WDR27: variants seen among roughly 807,000 people sequenced by gnomAD.
WDR27 encodes the protein WD repeat-containing protein 27.
WDR27 carries 100 observed loss-of-function variants against 114.4 expected under a neutral mutation model. That is an observed-to-expected ratio of 0.87 (90% CI 0.74 to 1.03). WDR27 has a LOEUF of 1.03. WDR27 is among the 50% of genes least tolerant of loss of function. The pLI is 0.00. For synonymous variants in WDR27, 449 were observed against 423.1 expected, an observed-to-expected ratio of 1.06 and a Z score of -0.75; for missense variants, 1,129 against 1,092.9, an observed-to-expected ratio of 1.03 and a Z score of -0.47.
At chr6:169,609,290 G>T (rs1352750206) in intron 22 of WDR27, among the ~76,000 whole-genome samples, 1 of 152,180 alleles carries the variant, frequency 6.6e-6, no homozygotes, top group Non-Finnish European at 1.5e-5. Flanking sequence ...ACTCTGTGTG[G>T]AGGCTCTGAC....
At chr6:169,590,117 G>A (rs542696733) in intron 23 of WDR27, among the ~76,000 whole-genome samples, 7 of 152,328 alleles carry the variant, frequency 4.6e-5, no homozygotes, top group South Asian at 2.1e-4. Context: ...GGACTACACC[G>A]ATTCATTACA....
At chr6:169,578,170 T>G (rs7749291) in intron 24 of WDR27, among the ~76,000 whole-genome samples, 143,125 of 152,302 alleles carry the variant, frequency 0.94, 67,326 homozygotes, top group East Asian at 0.99. Flanking sequence ...TTTCAAGCTG[T>G]AAGGCGCTCT....
At chr6:169,605,383 C>T (rs545570722) in intron 22 of WDR27, among the ~76,000 whole-genome samples, 2 of 151,446 alleles carry the variant, frequency 1.3e-5, no homozygotes, top group Non-Finnish European at 2.9e-5. Flanking sequence ...CAATGAAATA[C>T]CTAGGAATAT....
intron 13 of WDR27, among the ~76,000 whole-genome samples, chr6:169,655,873 A>G (rs1824037940): frequency 6.6e-6 from 1 of 152,106 alleles, no homozygotes; most frequent in South Asian, 2.1e-4. Flanking sequence ...GCGCCCGCCA[A>G]CCACGCCCAG....
intron 25 of WDR27, among the ~76,000 whole-genome samples, chr6:169,538,068 C>T (rs1021536170): frequency 1.3e-5 from 2 of 152,028 alleles, no homozygotes; most frequent in Admixed American, 6.6e-5. Flanking sequence ...CAAGATAAGC[C>T]GTGAGCTGAC....
intron 22 of WDR27, among the ~76,000 whole-genome samples, chr6:169,612,558 G>A (rs1226576148): frequency 3.3e-5 from 5 of 149,600 alleles, no homozygotes; most frequent in Admixed American, 6.7e-5. Context: ...GGTGGGGCAG[G>A]GAGGTTGCAG....
At chr6:169,558,783 T>A (rs910621865) in intron 25 of WDR27, 6 of 152,194 alleles carry the variant, frequency 3.9e-5, no homozygotes, top group Admixed American at 6.5e-5. Flanking sequence ...GATTTTCCAA[T>A]TCAATTATTC....
the WDR27 span, among the ~76,000 whole-genome samples, chr6:169,438,949 TTAAA>T: frequency 1.3e-5 from 2 of 152,214 alleles, no homozygotes; most frequent in South Asian, 2.1e-4. Flanking sequence ...ATCACTCTGA[TTAAA>T]TAATTATCTC....
At chr6:169,560,649 AC>A (rs1300767116) in intron 25 of WDR27, among the ~76,000 whole-genome samples, 1 of 152,294 alleles carries the variant, frequency 6.6e-6, no homozygotes, top group East Asian at 1.9e-4. Flanking sequence ...TGGTCACTTT[AC>A]CCCATCATCC....
intron 23 of WDR27, among the ~76,000 whole-genome samples, chr6:169,585,814 G>A (rs1309405685): frequency 6.6e-6 from 1 of 152,110 alleles, no homozygotes; most frequent in East Asian, 1.9e-4. Context: ...CGGTGGCCGA[G>A]GCAGAAGAGG....
intron 22 of WDR27, among the ~76,000 whole-genome samples, chr6:169,610,958 G>C (rs1015576305): frequency 2.4e-4 from 37 of 152,260 alleles, no homozygotes; most frequent in Middle Eastern, 3.4e-3. Context: ...ATAGACTCAG[G>C]TGGCAGGTGC....
intron 25 of WDR27, among the ~76,000 whole-genome samples, chr6:169,463,783 C>A (rs1362326220): frequency 6.6e-6 from 1 of 152,098 alleles, no homozygotes; most frequent in South Asian, 2.1e-4. Context: ...ATTATTAAAA[C>A]AATTCCATTT....
At chr6:169,437,823 T>C in the WDR27 span, among the ~76,000 whole-genome samples, 1 of 152,354 alleles carries the variant, frequency 6.6e-6, no homozygotes, top group African/African-American at 2.4e-5. Flanking sequence ...ATACTACTAT[T>C]GTGGCCCGAT....
rs1341873621 is a variant in WDR27, at chr6:169,684,182, A to T, written c.189+4635T>A. On this transcript the variant is annotated intron_variant, in intron 2 of 25. Coordinates refer to ENST00000448612, the MANE Select transcript of WDR27 (RefSeq NM_182552.5). This position sits in a 1 kb window ranked among gnomAD's most constrained non-coding sequence, Gnocchi z 4.3. Reference sequence around the variant, plus strand: ...GCACTTCCAGCCAGAGAAACAACCCAGCACTCCTGCCAAGGACAAACCTGC... The same window carrying T: ...GCACTTCCAGCCAGAGAAACAACCCTGCACTCCTGCCAAGGACAAACCTGC... Among the ~76,000 whole-genome samples the T allele has an allele frequency of 6.6e-6, 1 of 152,096 alleles. No individual in the cohort carries two copies. Among genetic ancestry groups the T allele is most frequent in the Non-Finnish European group, 1.5e-5 (1 of 67,998 alleles).
At chr6:169,521,809 A>C (rs1794421003) in intron 25 of WDR27, among the ~76,000 whole-genome samples, 1 of 152,064 alleles carries the variant, frequency 6.6e-6, no homozygotes. Flanking sequence ...AGAGTGACAA[A>C]AAATTAAAAG....
At chr6:169,632,159 G>A (rs1231201948) in intron 21 of WDR27, among the ~76,000 whole-genome samples, 1 of 145,712 alleles carries the variant, frequency 6.9e-6, no homozygotes, top group African/African-American at 2.6e-5. Context: ...CTGCACTCCC[G>A]CCTGGGTGAC....
chr6:169,513,508 T>C (rs970209572), intron 25 of WDR27, among the ~76,000 whole-genome samples: 4 of 151,868 alleles, frequency 2.6e-5, no homozygotes, highest in African/African-American at 9.7e-5. Flanking sequence ...TTTTGGGGAG[T>C]TGTATAAACT....
At chr6:169,681,321 A>C (rs772513432) in intron 2 of WDR27, among the ~76,000 whole-genome samples, 10 of 152,208 alleles carry the variant, frequency 6.6e-5, no homozygotes, top group Non-Finnish European at 1.5e-4. Context: ...TAACCCACTC[A>C]TATCTCCCGA....
rs1417294436 is a variant in WDR27, at chr6:169,684,817, A to T, written c.189+4000T>A. Among the ~76,000 whole-genome samples the T allele has an allele frequency of 6.6e-6, 1 of 152,176 alleles. No individual in the cohort carries two copies. The highest frequency in any genetic ancestry group is 1.9e-4 in the East Asian group (1 of 5,184). On this transcript the variant is annotated intron_variant, in intron 2 of 25. Transcript: ENST00000448612. This position sits in a 1 kb window ranked among gnomAD's most constrained non-coding sequence, Gnocchi z 4.3. Reference sequence around the variant, plus strand: ...CGTCCAATGCTGGAGAAACAGCCCCAGGAGCTGCCCCAGCAGATATGTCCC... The same window carrying T: ...CGTCCAATGCTGGAGAAACAGCCCCTGGAGCTGCCCCAGCAGATATGTCCC...
Sources: allele counts gnomAD v4.1 joint callset (sites outside exome capture counted in the v4.1 genomes callset), GRCh38; gene constraint gnomAD v4.1.1; non-coding constraint Gnocchi (gnomAD v3.1); transcripts MANE v1.5; gene names NCBI Gene and HGNC (gene_info 2026-07-23, HGNC 2026-07-21).